The following SPP2 variants were observed in gnomAD, a reference collection of about 807,000 sequenced individuals.
SPP2 encodes secreted phosphoprotein 24.
In SPP2, 34 loss-of-function variants were observed where a neutral mutation model predicts 28.8. The observed-to-expected ratio is 1.18, with a 90% CI of 0.90 to 1.57. SPP2 has a LOEUF of 1.57. Ranked by LOEUF, SPP2 falls within the 40% of genes most tolerant of loss-of-function variation. The pLI is 0.00. For synonymous variants in SPP2, 96 were observed against 89.4 expected, an observed-to-expected ratio of 1.07 and a Z score of -0.42; for missense variants, 269 against 263.9, an observed-to-expected ratio of 1.02 and a Z score of -0.13.
At chr2:234,059,278 C>A (rs556568320) in intron 3 of SPP2, among the ~76,000 whole-genome samples, 22 of 152,312 alleles carry the variant, frequency 1.4e-4, no homozygotes, top group African/African-American at 5.3e-4. Flanking sequence ...ACTTAAAATT[C>A]TCTTACAAAG....
chr2:234,064,200 C>T (rs1261196982), intron 4 of SPP2, among the ~76,000 whole-genome samples: 1 of 150,716 alleles, frequency 6.6e-6, no homozygotes, highest in African/African-American at 2.4e-5. Context: ...TCTCCCTCTC[C>T]TTCTCCTTCC....
chr2:234,074,799 G>A (rs565650832), intron 7 of SPP2, among the ~76,000 whole-genome samples: 10 of 152,190 alleles, frequency 6.6e-5, no homozygotes, highest in African/African-American at 1.4e-4. Flanking sequence ...TTTAGATGCC[G>A]TATTTAATAG....
intron 4 of SPP2, 44 bp downstream of exon 4, chr2:234,060,523 G>C (rs370977467): frequency 6.7e-7 from 1 of 1,501,892 alleles, no homozygotes; most frequent in Non-Finnish European, 9.2e-7. Flanking sequence ...ACCTCTTAGG[G>C]TCTGTGTGGG....
intron 4 of SPP2, among the ~76,000 whole-genome samples, chr2:234,060,693 T>C (rs1413566447): frequency 2.0e-5 from 3 of 151,494 alleles, no homozygotes; most frequent in Non-Finnish European, 4.4e-5. Flanking sequence ...GTGTATGTCC[T>C]CTCTCTTTCT....
At chr2:234,064,221 C>A (rs1335411165) in intron 4 of SPP2, among the ~76,000 whole-genome samples, 1 of 131,770 alleles carries the variant, frequency 7.6e-6, no homozygotes, top group African/African-American at 2.8e-5. Context: ...TTCTCTGAGC[C>A]TCCTCCATCT....
chr2:234,052,218 T>G (rs1693512367), intron 2 of SPP2, among the ~76,000 whole-genome samples: 1 of 152,180 alleles, frequency 6.6e-6, no homozygotes, highest in Non-Finnish European at 1.5e-5. Context: ...GTGGAGGCAC[T>G]GGTCAGCTGC....
rs770675713 is a variant in SPP2 at position 234,067,244 on chromosome 2, A to G, written c.520A>G (p.Ile174Val). Residue 174 changes from isoleucine (I) to valine (V), a missense_variant, in exon 6 of 8, where the codon ATA becomes GTA. Physicochemically the swap from Ile to Val is conservative, Grantham distance 29. Coordinates refer to ENST00000168148, the MANE Select transcript of SPP2 (RefSeq NM_006944.3). ...YLFGLISDES[I>V]SEQFYDRSLG... ...TACAGGTCTCATTTCAGACGAGTCC[A>G]TAAGTGAACAATTTTATGATCGGTC... 9 of 1,614,104 alleles carry G rather than the reference A, an allele frequency of 5.6e-6. No individual in the cohort carries two copies. Among genetic ancestry groups the G allele is most frequent in the South Asian group, 1.1e-5 (1 of 91,068 alleles).
chr2:234,058,333 C>A (rs927804190), intron 2 of SPP2, among the ~76,000 whole-genome samples: 4 of 152,168 alleles, frequency 2.6e-5, no homozygotes, highest in African/African-American at 9.7e-5. Flanking sequence ...ATAAAAAGCA[C>A]ACTTGTTTTC....
At chr2:234,066,421 A>G (rs1693822005) in intron 4 of SPP2, 112 bp from the exon 5 acceptor site, 1 of 837,380 alleles carries the variant, frequency 1.2e-6, no homozygotes, top group Non-Finnish European at 2.0e-6. Context: ...TTCATTAAAA[A>G]TGGATTATAT....
intron 4 of SPP2, 102 bp downstream of exon 4, chr2:234,060,581 G>C: frequency 1.2e-6 from 1 of 864,670 alleles, no homozygotes; most frequent in Non-Finnish European, 1.8e-6. Context: ...CATCACCTGG[G>C]CTTGGGGATG....
intron 4 of SPP2, among the ~76,000 whole-genome samples, chr2:234,063,991 A>G (rs1164942378): frequency 1.3e-5 from 2 of 152,264 alleles, no homozygotes; most frequent in African/African-American, 4.8e-5. Context: ...AAAAAGAGGT[A>G]ATTCCCTGGA....
intron 7 of SPP2, among the ~76,000 whole-genome samples, chr2:234,071,792 T>C (rs1690792117): frequency 6.6e-6 from 1 of 152,224 alleles, no homozygotes; most frequent in South Asian, 2.1e-4. Flanking sequence ...GGCTGCTGCC[T>C]CTACTGGGAC....
At chr2:234,060,212 T>C (rs940222705) in intron 3 of SPP2, among the ~76,000 whole-genome samples, 157 bp from the exon 4 acceptor site, 4 of 152,230 alleles carry the variant, frequency 2.6e-5, no homozygotes, top group African/African-American at 9.6e-5. Context: ...TCTGCTTCGG[T>C]CTTGAGGAAT....
chr2:234,067,386 A>T lies in SPP2; in HGVS notation c.550+112A>T, dbSNP rs1693843807. On this transcript the variant is annotated intron_variant, in intron 6 of 7. Coordinates refer to ENST00000168148, the MANE Select transcript of SPP2 (RefSeq NM_006944.3). The stretch of plus-strand genomic sequence containing the variant: ...GTTTCATAGGAGTTAAATCTCTGAA[A>T]TACAAAATATTTTAAGTAAAAAAGG... 21 of 964,218 alleles carry T rather than the reference A, an allele frequency of 2.2e-5. 1 individual carries two copies. In the South Asian group the frequency reaches 3.0e-4, roughly 14 times the overall value. 59.7% of individuals were successfully genotyped at this position (964,218 alleles called of 1,614,324 possible). A position where few individuals can be genotyped will look rare whatever the true frequency, so the allele number is the denominator to read the frequency against.
Position 234,076,833 on chromosome 2 carries a change from T to G in SPP2, c.*11-12T>G, listed in dbSNP as rs1690907502. 1 of 152,322 alleles carries G rather than the reference T, an allele frequency of 6.6e-6. No homozygotes were observed. The highest frequency in any genetic ancestry group is 1.5e-5 in the Non-Finnish European group (1 of 68,214). 9.4% of individuals were successfully genotyped at this position (152,322 alleles called of 1,614,324 possible). ...GCTCCCCAGACCCAGTTACCTGTTC[T>G]TCCTCCTGCAGGTGTCCCTCGCCCT... On this transcript the variant is annotated splice_polypyrimidine_tract_variant and intron_variant, in intron 7 of 7. Coordinates refer to ENST00000168148, the MANE Select transcript of SPP2 (RefSeq NM_006944.3).
At chr2:234,068,145 T>C (rs879256869) in intron 6 of SPP2, among the ~76,000 whole-genome samples, 2 of 152,208 alleles carry the variant, frequency 1.3e-5, no homozygotes, top group Non-Finnish European at 2.9e-5. Context: ...GTCAACCACG[T>C]GTGTTACCTG....
intron 7 of SPP2, among the ~76,000 whole-genome samples, chr2:234,072,921 T>A (rs1690824582): frequency 6.6e-6 from 1 of 152,218 alleles, no homozygotes; most frequent in Non-Finnish European, 1.5e-5. Flanking sequence ...AGAGTGTTGC[T>A]GTGTTGCCCA....
intron 4 of SPP2, among the ~76,000 whole-genome samples, chr2:234,061,752 G>A (rs1693723228): frequency 6.6e-6 from 1 of 152,138 alleles, no homozygotes; most frequent in Non-Finnish European, 1.5e-5. Context: ...TGGCCTTATT[G>A]GTACAAAGAG....
intron 7 of SPP2, among the ~76,000 whole-genome samples, chr2:234,071,606 A>T (rs1411004263): frequency 6.6e-6 from 1 of 152,252 alleles, no homozygotes; most frequent in Non-Finnish European, 1.5e-5. Context: ...ACACAAGTTA[A>T]TAATGAAGTT....
Sources: gnomAD v4.1 joint callset for allele counts (sites outside exome capture counted in the v4.1 genomes callset) on GRCh38, gnomAD v4.1.1 for gene constraint, MANE v1.5 for transcripts, NCBI Gene and HGNC (gene_info 2026-07-23, HGNC 2026-07-21) for gene names.